The following PIP4P2 variants were observed in gnomAD, a reference collection of about 807,000 sequenced individuals.
PIP4P2 encodes type 2 phosphatidylinositol 4,5-bisphosphate 4-phosphatase.
In PIP4P2, 19 loss-of-function variants were observed where a neutral mutation model predicts 33.3. The observed-to-expected ratio is 0.57, with a 90% CI of 0.40 to 0.84. The LOEUF (loss-of-function observed/expected upper bound fraction) is 0.84. PIP4P2 is among the 40% of genes least tolerant of loss of function. The pLI, the probability that PIP4P2 is intolerant of heterozygous loss-of-function variation, is 0.00. For missense variants in PIP4P2, 270 were observed against 324.7 expected (o/e 0.83, Z 1.29); for synonymous variants, 110 against 111.9 (o/e 0.98, Z 0.11).
intron 5 of PIP4P2, among the ~76,000 whole-genome samples, chr8:91,004,472 C>A (rs975614069): frequency 1.8e-4 from 27 of 152,152 alleles, no homozygotes; most frequent in Non-Finnish European, 3.7e-4. Context: ...ATTCCTTAAT[C>A]CAGTCAAGTT....
chr8:91,001,097 C>T (rs1454743046), intron 5 of PIP4P2, among the ~76,000 whole-genome samples: 1 of 151,912 alleles, frequency 6.6e-6, no homozygotes, highest in African/African-American at 2.4e-5. Context: ...CTATTTGAGA[C>T]AATTATAGAT....
intron 1 of PIP4P2, among the ~76,000 whole-genome samples, chr8:91,030,836 T>C (rs1442434222): frequency 2.0e-5 from 3 of 152,234 alleles, no homozygotes; most frequent in East Asian, 1.9e-4. Flanking sequence ...CATAACTGTA[T>C]ATAGAGTTTA....
At position 90,994,712 on chromosome 8, in the gene PIP4P2, T is replaced by C. The variant is rs1811605276; in HGVS notation, c.*965A>G. 6.6e-6 allele frequency: 1 copy of C among 152,280 alleles called. No individual in the cohort carries two copies. Among genetic ancestry groups the C allele is most frequent in the Admixed American group, 6.5e-5 (1 of 15,280 alleles). The allele number at this position is 152,280 out of a possible 1,614,324, so 9.4% of individuals were successfully genotyped here. The stretch of plus-strand genomic sequence containing the variant: ...AAAAGTACCTCTAATCTCAACATTT[T>C]AGCTACTGTAAAATGTCATAAGCTT... On this transcript the variant is annotated 3_prime_UTR_variant, in exon 7 of 7. Transcript: ENST00000285419.
chr8:91,014,261 C>T (rs1362636104), intron 4 of PIP4P2, among the ~76,000 whole-genome samples: 1 of 152,062 alleles, frequency 6.6e-6, no homozygotes, highest in Admixed American at 6.6e-5. Flanking sequence ...AAGGTGGAGG[C>T]TGGGGTAAGG....
chr8:90,995,862 T>C (rs541960489), intron 6 of PIP4P2, 42 bp from the exon 7 acceptor site: 1 of 1,556,790 alleles, frequency 6.4e-7, no homozygotes, highest in Non-Finnish European at 8.6e-7. Context: ...TTAGAAACTT[T>C]AAAAAATATC....
At chr8:91,019,671 C>A (rs1257455348) in intron 3 of PIP4P2, among the ~76,000 whole-genome samples, 1 of 151,524 alleles carries the variant, frequency 6.6e-6, no homozygotes. Context: ...ATCCCTAGGC[C>A]CAAATGATAC....
chr8:91,007,133 G>A (rs930329338), intron 5 of PIP4P2, among the ~76,000 whole-genome samples: 2 of 152,084 alleles, frequency 1.3e-5, no homozygotes, highest in African/African-American at 4.8e-5. Context: ...CTTTGGAGGG[G>A]GGAGTATAGG....
intron 4 of PIP4P2, among the ~76,000 whole-genome samples, chr8:91,013,805 A>G (rs958226721): frequency 1.3e-5 from 2 of 152,166 alleles, no homozygotes; most frequent in Non-Finnish European, 2.9e-5. Context: ...AAGCACTGGA[A>G]TATCAGGGCA....
chr8:91,024,423 G>C (rs1812054658), intron 1 of PIP4P2: 1 of 345,038 alleles, frequency 2.9e-6, no homozygotes, highest in Admixed American at 3.5e-5. Flanking sequence ...GATTATTATA[G>C]ATTAAACCTA....
At chr8:91,039,728 TC>T (rs1248210892) in intron 1 of PIP4P2, among the ~76,000 whole-genome samples, 1 of 152,184 alleles carries the variant, frequency 6.6e-6, no homozygotes, top group Non-Finnish European at 1.5e-5. Context: ...AGTCTTGCCT[TC>T]CATTTTCTTG....
intron 3 of PIP4P2, 95 bp downstream of exon 3, chr8:91,020,062 T>G: frequency 8.2e-7 from 1 of 1,224,552 alleles, no homozygotes; most frequent in Non-Finnish European, 1.1e-6. Flanking sequence ...AAACAAAAAC[T>G]CTTTCTAGAA....
Position 91,040,822 on chromosome 8 carries a change from C to A in PIP4P2, c.-73G>T. 1 of 1,331,064 alleles carries A rather than the reference C, an allele frequency of 7.5e-7. No homozygotes were observed. Among genetic ancestry groups the A allele is most frequent in the Non-Finnish European group, 1.0e-6 (1 of 956,612 alleles). 82.5% of individuals were successfully genotyped at this position (1,331,064 alleles called of 1,614,324 possible). On this transcript the variant is annotated 5_prime_UTR_variant, in exon 1 of 7. Coordinates refer to ENST00000285419, the MANE Select transcript of PIP4P2 (RefSeq NM_018710.3). ...CTCGGCGGAGTGGTGGCTACTGCTG[C>A]TGCCTCTGCTGCCGCTGCTGCCGCT... is the stretch of plus-strand genomic sequence containing the variant.
chr8:91,029,369 C>T (rs1812127997), intron 1 of PIP4P2, among the ~76,000 whole-genome samples: 1 of 152,078 alleles, frequency 6.6e-6, no homozygotes, highest in Non-Finnish European at 1.5e-5. Context: ...CTGTAGCAAG[C>T]AGGGGTTACA....
rs759148544 is a variant in PIP4P2, at chr8:91,018,511, C to G, written c.365G>C (p.Arg122Thr). Residue 122 changes from arginine to threonine, a missense_variant and splice_region_variant, in exon 4 of 7, where the codon AGA becomes ACA. Coordinates refer to ENST00000285419, the MANE Select transcript of PIP4P2 (RefSeq NM_018710.3). ...RRIGCPRPNC[R>T]RIINLGPVML... The stretch of plus-strand genomic sequence containing the variant: ...TACTGGGCCAAGGTTAATTATCCGT[C>G]TACTGTGAAAAGAGAAAGGAAACAA... 27 of 1,612,644 alleles carry G rather than the reference C, an allele frequency of 1.7e-5. No individual in the cohort carries two copies. The South Asian group carries it at 2.9e-4, about 17-fold the overall frequency.
intron 4 of PIP4P2, among the ~76,000 whole-genome samples, chr8:91,017,772 T>C (rs1015457250): frequency 9.2e-5 from 14 of 152,136 alleles, no homozygotes; most frequent in Admixed American, 2.0e-4. Flanking sequence ...GTCCTTATCC[T>C]TCCTGACAGG....
chr8:91,019,763 A>C (rs1811978371), intron 3 of PIP4P2, among the ~76,000 whole-genome samples: 1 of 152,054 alleles, frequency 6.6e-6, no homozygotes, highest in African/African-American at 2.4e-5. Flanking sequence ...ATGGGGTCTC[A>C]CTATGTTGCT....
chr8:91,032,527 T>C (rs1812177123), intron 1 of PIP4P2, among the ~76,000 whole-genome samples: 1 of 152,098 alleles, frequency 6.6e-6, no homozygotes, highest in African/African-American at 2.4e-5. Context: ...ATGCCTGTAA[T>C]CCAAGCACTT....
At chr8:91,031,230 T>G (rs1453023971) in intron 1 of PIP4P2, among the ~76,000 whole-genome samples, 1 of 152,222 alleles carries the variant, frequency 6.6e-6, no homozygotes, top group Non-Finnish European at 1.5e-5. Context: ...TGGAAAATGC[T>G]TTTGTTACAA....
At position 91,021,290 on chromosome 8, in the gene PIP4P2, T is replaced by C. The variant is rs759557450; in HGVS notation, c.221A>G (p.His74Arg). 1 of 1,613,830 alleles carries C rather than the reference T, an allele frequency of 6.2e-7. No individual in the cohort carries two copies. Among genetic ancestry groups the C allele is most frequent in the South Asian group, 1.1e-5 (1 of 91,072 alleles). The part of the protein sequence containing the change: ...LINLDGKLHQ[H>R]VVKCTVCNEA... ...ATTGCAAACTGTGCACTTAACCACA[T>C]GCTGGTGAAGCTTGCCATCCAAATT... is the stretch of plus-strand genomic sequence containing the variant. Residue 74 changes from histidine (H) to arginine (R), a missense_variant, in exon 2 of 7, where the codon CAT (histidine) becomes CGT (arginine). Coordinates refer to ENST00000285419, the MANE Select transcript of PIP4P2 (RefSeq NM_018710.3).
Sources: gnomAD v4.1 joint callset for allele counts (sites outside exome capture counted in the v4.1 genomes callset) on GRCh38, gnomAD v4.1.1 for gene constraint, MANE v1.5 for transcripts, NCBI Gene and HGNC (gene_info 2026-07-23, HGNC 2026-07-21) for gene names.